The following TOGARAM1 variants were observed in gnomAD, a reference collection of about 807,000 sequenced individuals.
TOGARAM1 encodes the protein TOG array regulator of axonemal microtubules 1, also known as TOG array regulator of axonemal microtubules protein 1.
TOGARAM1 carries 100 observed loss-of-function variants against 166.6 expected under a neutral mutation model. That is an observed-to-expected ratio of 0.60 (90% CI 0.51 to 0.71). The LOEUF (loss-of-function observed/expected upper bound fraction) is 0.71, where lower values mean the gene tolerates loss of function less well. Ranked by LOEUF, TOGARAM1 falls within the 30% of genes least tolerant of loss-of-function variation. TOGARAM1 has a pLI of 0.00. For synonymous variants in TOGARAM1, 758 were observed against 763.8 expected (o/e 0.99, Z 0.13); for missense variants, 2,029 against 2,102.7 (o/e 0.96, Z 0.69).
Position 44,962,400 on chromosome 14 carries a change from C to T in TOGARAM1, c.-22C>T, listed in dbSNP as rs1041356128. The T allele has an allele frequency of 6.6e-7, 1 of 1,520,314 alleles. No homozygotes were observed. The highest frequency in any genetic ancestry group is 1.4e-5 in the African/African-American group (1 of 71,980). 94.2% of individuals were successfully genotyped at this position (1,520,314 alleles called of 1,614,324 possible). On this transcript the variant is annotated 5_prime_UTR_variant, in exon 1 of 20. Coordinates refer to ENST00000361462, the MANE Select transcript of TOGARAM1 (RefSeq NM_001308120.2). ...GGAGACGGCAATGGTTTCTTCCAAC[C>T]ACCACCACCTGACAACCCTGCATGG...
At chr14:44,991,060 G>A (rs555988864) in intron 1 of TOGARAM1, among the ~76,000 whole-genome samples, 7 of 147,270 alleles carry the variant, frequency 4.8e-5, no homozygotes, top group Admixed American at 1.4e-4. Flanking sequence ...CCAGGCTCAA[G>A]TGATCCTCCC....
chr14:45,034,391 G>T (rs964312805), intron 11 of TOGARAM1, among the ~76,000 whole-genome samples: 8 of 152,148 alleles, frequency 5.3e-5, no homozygotes, highest in African/African-American at 1.4e-4. Flanking sequence ...ACTAGACTTT[G>T]CAGGACAGAA....
intron 1 of TOGARAM1, among the ~76,000 whole-genome samples, chr14:44,979,506 C>T (rs1217334225): frequency 6.6e-6 from 1 of 152,158 alleles, no homozygotes; most frequent in Admixed American, 6.5e-5. Flanking sequence ...ACTACCATCA[C>T]GTTGGGGATT....
chr14:45,063,367 A>T (rs1882985699), intron 16 of TOGARAM1, among the ~76,000 whole-genome samples: 1 of 152,168 alleles, frequency 6.6e-6, no homozygotes, highest in Admixed American at 6.5e-5. Flanking sequence ...GTTTTTCCAA[A>T]GTGCCACCAT....
At position 44,985,293 on chromosome 14, in the gene TOGARAM1, G is replaced by A. The variant is rs575764047; in HGVS notation, c.2047-10453G>A. On this transcript the variant is annotated intron_variant, in intron 1 of 19. Coordinates refer to ENST00000361462, the MANE Select transcript of TOGARAM1 (RefSeq NM_001308120.2). ...TCCCAAAGTGCTGGGATTAACAGGC[G>A]TGAGCCATTGTGCCTGGCTTTCAGA... Among the ~76,000 whole-genome samples, 104 of 152,284 alleles carry A rather than the reference G, an allele frequency of 6.8e-4. 1 individual carries two copies. The highest frequency in any genetic ancestry group is 2.2e-3 in the African/African-American group (92 of 41,556).
chr14:45,005,322 T>A (rs1393784870), intron 4 of TOGARAM1, among the ~76,000 whole-genome samples: 1 of 152,110 alleles, frequency 6.6e-6, no homozygotes, highest in Non-Finnish European at 1.5e-5. Flanking sequence ...ACAAATTCAG[T>A]CTTAAAATAA....
chr14:45,044,671 G>C lies in TOGARAM1; in HGVS notation c.3955G>C (p.Val1319Leu). 6.2e-7 allele frequency: 1 copy of C among 1,613,330 alleles called. No individual in the cohort carries two copies. Among genetic ancestry groups the C allele is most frequent in the Non-Finnish European group, 8.5e-7 (1 of 1,179,750 alleles). Residue 1319 changes from valine to leucine, a missense_variant, in exon 13 of 20, where the codon GTG (valine) becomes CTG (leucine). Val to Leu is a conservative substitution (Grantham distance 32). This residue lies in a region of TOGARAM1 where 576 missense variants were observed against 670.5 expected (regional missense o/e 0.86). Transcript: ENST00000361462. ...NLRSGVSRAA[V>L]VCLSDLFTYL... ...ACGTTCTGGAGTTTCTCGTGCTGCTGTGGTCTGTTTAAGTGATCTTTTCAC... is the reference window on the plus strand; with the variant it reads ...ACGTTCTGGAGTTTCTCGTGCTGCTCTGGTCTGTTTAAGTGATCTTTTCAC...
chr14:45,022,423 G>A (rs1880575618), intron 7 of TOGARAM1, among the ~76,000 whole-genome samples: 2 of 150,398 alleles, frequency 1.3e-5, no homozygotes, highest in Admixed American at 1.3e-4. Flanking sequence ...CGATAAGGCA[G>A]GGGATTATTT....
chr14:45,004,579 C>G (rs1445309616), intron 4 of TOGARAM1, among the ~76,000 whole-genome samples: 1 of 152,028 alleles, frequency 6.6e-6, no homozygotes, highest in African/African-American at 2.4e-5. Context: ...ACTTAAAAAT[C>G]CTTTTCAGAA....
intron 1 of TOGARAM1, among the ~76,000 whole-genome samples, chr14:44,981,129 T>C (rs1310976694): frequency 6.6e-6 from 1 of 152,142 alleles, no homozygotes; most frequent in Non-Finnish European, 1.5e-5. Context: ...AGTAGGAAAT[T>C]AATTTGGGGG....
chr14:45,028,138 T>G (rs778597071), intron 9 of TOGARAM1, 38 bp from the exon 10 acceptor site: 5 of 1,522,576 alleles, frequency 3.3e-6, no homozygotes, highest in South Asian at 2.5e-5. Flanking sequence ...AATATCAAAG[T>G]CCCTGAATAT....
intron 1 of TOGARAM1, among the ~76,000 whole-genome samples, chr14:44,971,935 C>A (rs1594606919): frequency 6.6e-6 from 1 of 152,096 alleles, no homozygotes; most frequent in East Asian, 1.9e-4. Flanking sequence ...TTCCTCATGG[C>A]TGGGTAGACC....
chr14:45,048,055 CAAA>C (rs1258401220), intron 14 of TOGARAM1, among the ~76,000 whole-genome samples: 7 of 87,998 alleles, frequency 8.0e-5, no homozygotes, highest in Non-Finnish European at 7.1e-5. Context: ...GACTCCATCT[CAAA>C]AAAAAAAAAA....
At chr14:45,008,108 A>G (rs905621522) in intron 5 of TOGARAM1, 2 of 152,194 alleles carry the variant, frequency 1.3e-5, no homozygotes, top group African/African-American at 4.8e-5. Flanking sequence ...AGATACTTTC[A>G]TTAAATGATT....
At chr14:45,033,627 C>G (rs1390022181) in intron 11 of TOGARAM1, among the ~76,000 whole-genome samples, 1 of 152,156 alleles carries the variant, frequency 6.6e-6, no homozygotes, top group African/African-American at 2.4e-5. Flanking sequence ...TAAATTCCAT[C>G]TAAACTCTGA....
intron 9 of TOGARAM1, among the ~76,000 whole-genome samples, chr14:45,027,761 T>C (rs924606983): frequency 3.3e-5 from 5 of 151,832 alleles, no homozygotes; most frequent in Non-Finnish European, 7.4e-5. Context: ...CCCAGCTACT[T>C]GGGAGGCTGA....
intron 13 of TOGARAM1, among the ~76,000 whole-genome samples, chr14:45,045,680 T>TAC (rs1177699314): frequency 1.0e-5 from 1 of 97,586 alleles, no homozygotes; most frequent in East Asian, 2.8e-4. Context: ...TGTATATATA[T>TAC]ACACATATAT....
Position 44,964,060 on chromosome 14 carries a change from A to C in TOGARAM1, c.1639A>C (p.Ser547Arg), listed in dbSNP as rs747710773. The part of the protein sequence containing the change: ...LASSMGSGKT[S>R]ILFKAVDTVE... ...ATCATCAATGGGCTCAGGTAAAACC[A>C]GCATCCTTTTTAAAGCTGTGGATAC... is the stretch of plus-strand genomic sequence containing the variant. Residue 547 changes from serine (S) to arginine (R), a missense_variant, in exon 1 of 20, where the codon AGC (serine) becomes CGC (arginine). This residue lies in a region of TOGARAM1 where 1,453 missense variants were observed against 1,432.2 expected (regional missense o/e 1.01). Transcript: ENST00000361462. 4 of 1,614,138 alleles carry C rather than the reference A, an allele frequency of 2.5e-6. No homozygotes were observed. The South Asian group carries it at 4.4e-5, about 18-fold the overall frequency.
chr14:44,965,849 C>T (rs556830189), intron 1 of TOGARAM1, among the ~76,000 whole-genome samples: 19 of 151,006 alleles, frequency 1.3e-4, no homozygotes, highest in African/African-American at 4.4e-4. Flanking sequence ...ATTTATTACA[C>T]TGGGGGCTTA....
Sources: gnomAD v4.1 joint callset for allele counts (sites outside exome capture counted in the v4.1 genomes callset) on GRCh38, gnomAD v4.1.1 for gene constraint, gnomAD v4.1.1 regional missense constraint, MANE v1.5 for transcripts, NCBI Gene and HGNC (gene_info 2026-07-23, HGNC 2026-07-21) for gene names.